The following GXYLT1 variants were observed in gnomAD, a reference collection of about 807,000 sequenced individuals.
The protein encoded by GXYLT1 is glucoside xylosyltransferase 1, also known as glycosyltransferase 8 domain containing 3.
In GXYLT1, 29 loss-of-function variants were observed where a neutral mutation model predicts 54.0. The ratio of observed to expected loss-of-function variants is 0.54; its 90% CI spans 0.40 to 0.73. The LOEUF is 0.73. Among genes scored for constraint, GXYLT1 ranks in the 30% least tolerant of loss-of-function variants. The pLI is 0.00. For missense variants in GXYLT1, 490 were observed against 553.4 expected, an observed-to-expected ratio of 0.89 and a Z score of 1.15; for synonymous variants, 176 against 204.1, an observed-to-expected ratio of 0.86 and a Z score of 1.17.
intron 3 of GXYLT1, among the ~76,000 whole-genome samples, chr12:42,111,922 A>C (rs1043859486): frequency 5.3e-5 from 8 of 152,086 alleles, no homozygotes; most frequent in Non-Finnish European, 1.2e-4. Context: ...ACAGCCAGGT[A>C]CTCCTCTGAG....
At chr12:42,136,751 T>TATACATACATACATACATACATAC (rs58827513) in intron 1 of GXYLT1, among the ~76,000 whole-genome samples, 232 of 147,480 alleles carry the variant, frequency 1.6e-3, no homozygotes, top group South Asian at 2.2e-3. Context: ...GGAGGTTTTT[T>TATACATACATACATACATACATAC]ATACATACAT....
intron 7 of GXYLT1, among the ~76,000 whole-genome samples, chr12:42,089,971 A>G (rs1311743177): frequency 6.6e-6 from 1 of 152,212 alleles, no homozygotes; most frequent in Non-Finnish European, 1.5e-5. Context: ...TATTTTTACT[A>G]TATGACAATA....
intron 3 of GXYLT1, among the ~76,000 whole-genome samples, chr12:42,110,349 C>A (rs1166203819): frequency 2.0e-5 from 3 of 152,126 alleles, no homozygotes; most frequent in Admixed American, 2.0e-4. Flanking sequence ...AACAGAATTA[C>A]TGATTCAAAT....
At chr12:42,132,993 G>A (rs2065600840) in intron 1 of GXYLT1, among the ~76,000 whole-genome samples, 1 of 152,102 alleles carries the variant, frequency 6.6e-6, no homozygotes, top group Admixed American at 6.5e-5. Context: ...CTATTAATAA[G>A]TAGGATCTGC....
At chr12:42,120,424 A>C (rs911830214) in intron 2 of GXYLT1, among the ~76,000 whole-genome samples, 2 of 152,246 alleles carry the variant, frequency 1.3e-5, no homozygotes, top group African/African-American at 4.8e-5. Flanking sequence ...CTTCTAACAC[A>C]GTGCAGCAGT....
At chr12:42,109,833 T>C (rs2065442291) in intron 3 of GXYLT1, 142 bp from the exon 4 acceptor site, 1 of 533,266 alleles carries the variant, frequency 1.9e-6, no homozygotes, top group South Asian at 3.3e-5. Context: ...AAGATTCTTC[T>C]GTTCCACCAC....
chr12:42,105,927 C>T lies in GXYLT1; in HGVS notation c.755G>A (p.Arg252Gln), dbSNP rs747398600. 6.2e-7 allele frequency: 1 copy of T among 1,614,054 alleles called. No homozygotes were observed. Among genetic ancestry groups the T allele is most frequent in the Non-Finnish European group, 8.5e-7 (1 of 1,179,950 alleles). Residue 252 changes from arginine to glutamine, a missense_variant, in exon 5 of 8, where the codon CGA (arginine) becomes CAA (glutamine). Physicochemically the swap from Arg to Gln is conservative, Grantham distance 43. Coordinates refer to ENST00000398675, the MANE Select transcript of GXYLT1 (RefSeq NM_173601.2). ...AGCAAAGCGATTATACCATCCTATTCGAGGTTCCTCATGTTCTGGTGCCAT... is the reference window on the plus strand; with the variant it reads ...AGCAAAGCGATTATACCATCCTATTTGAGGTTCCTCATGTTCTGGTGCCAT... ...AAMAPEHEEP[R>Q]IGWYNRFARH...
chr12:42,119,253 G>T, intron 2 of GXYLT1, 82 bp from the exon 3 acceptor site: 2 of 1,180,646 alleles, frequency 1.7e-6, no homozygotes, highest in Non-Finnish European at 2.5e-6. Context: ...AAAAAGTGAA[G>T]CTCAAAGCCA....
Position 42,112,922 on chromosome 12 carries a change from G to C in GXYLT1, c.487-3231C>G, listed in dbSNP as rs1201289167. ...CTCAAAGGGAAGCCCATCAGACTAA[G>C]GGCGGATCTCTCGGCAGAAACTCTA... On this transcript the variant is annotated intron_variant, in intron 3 of 7. Transcript: ENST00000398675. 2.0e-5 allele frequency among the ~76,000 whole-genome samples: 3 copies of C among 151,290 alleles called. No individual in the cohort carries two copies. In the East Asian group the frequency reaches 5.8e-4, roughly 29 times the overall value.
chr12:42,136,255 G>A (rs2065618935), intron 1 of GXYLT1, among the ~76,000 whole-genome samples: 1 of 152,044 alleles, frequency 6.6e-6, no homozygotes, highest in Non-Finnish European at 1.5e-5. Flanking sequence ...TGCACTTTTA[G>A]GCCAAAAAGA....
chr12:42,114,113 G>A (rs2136899860), intron 3 of GXYLT1, among the ~76,000 whole-genome samples: 1 of 152,270 alleles, frequency 6.6e-6, no homozygotes. Context: ...CAGAATCTCT[G>A]GGACACATTC....
At position 42,088,077 on chromosome 12, in the gene GXYLT1, G is replaced by A. The variant is rs111515898; in HGVS notation, c.1162-130C>T. The A allele has an allele frequency of 7.4e-4, 342 of 461,342 alleles. 1 individual carries two copies. Among genetic ancestry groups the A allele is most frequent in the African/African-American group, 6.4e-3 (314 of 48,780 alleles). 28.6% of individuals were successfully genotyped at this position (461,342 alleles called of 1,614,324 possible). ...TCCATTTAACGTCTCACAGAAATTA[G>A]ATGTTTAACAAATATTTTCAATAAA... On this transcript the variant is annotated intron_variant, in intron 7 of 7. Coordinates refer to ENST00000398675, the MANE Select transcript of GXYLT1 (RefSeq NM_173601.2).
intron 3 of GXYLT1, among the ~76,000 whole-genome samples, chr12:42,111,681 C>A (rs1050595802): frequency 6.6e-6 from 1 of 152,232 alleles, no homozygotes; most frequent in African/African-American, 2.4e-5. Context: ...AGGAGGCCTG[C>A]CTGCCTCTGT....
chr12:42,120,661 G>A (rs887631453), intron 2 of GXYLT1, among the ~76,000 whole-genome samples: 1 of 151,476 alleles, frequency 6.6e-6, no homozygotes, highest in African/African-American at 2.4e-5. Flanking sequence ...CTCCCAAGCA[G>A]CTGGGACCAC....
At chr12:42,088,875 G>C (rs1393216883) in intron 7 of GXYLT1, among the ~76,000 whole-genome samples, 1 of 41,114 alleles carries the variant, frequency 2.4e-5, no homozygotes, top group East Asian at 1.1e-3. Flanking sequence ...CGCTGAGGGA[G>C]AGGAAATGAA....
chr12:42,113,235 A>C (rs1005830464), intron 3 of GXYLT1, among the ~76,000 whole-genome samples: 3 of 151,148 alleles, frequency 2.0e-5, no homozygotes, highest in Admixed American at 1.3e-4. Context: ...AACGAGCAAA[A>C]TAACCAGCTA....
At chr12:42,093,256 C>T (rs552286528) in intron 7 of GXYLT1, among the ~76,000 whole-genome samples, 1 of 152,228 alleles carries the variant, frequency 6.6e-6, no homozygotes, top group South Asian at 2.1e-4. Flanking sequence ...TGCCACGATG[C>T]CTGGCTAATT....
chr12:42,093,815 G>T (rs1003800721), intron 7 of GXYLT1, among the ~76,000 whole-genome samples: 1 of 152,136 alleles, frequency 6.6e-6, no homozygotes, highest in Non-Finnish European at 1.5e-5. Context: ...TAGGATTACA[G>T]ATATGAGCCA....
At chr12:42,102,220 T>C (rs973476346) in intron 5 of GXYLT1, among the ~76,000 whole-genome samples, 6 of 152,184 alleles carry the variant, frequency 3.9e-5, no homozygotes, top group Admixed American at 2.6e-4. Flanking sequence ...GCATTCACAT[T>C]ATGCTCCAAC....
Sources: allele counts gnomAD v4.1 joint callset (sites outside exome capture counted in the v4.1 genomes callset), GRCh38; gene constraint gnomAD v4.1.1; transcripts MANE v1.5; gene names NCBI Gene and HGNC (gene_info 2026-07-23, HGNC 2026-07-21).